The following PCDH7 variants were observed in gnomAD, a reference collection of about 807,000 sequenced individuals.
PCDH7 encodes the protein protocadherin-7.
PCDH7 carries 17 observed loss-of-function variants against 58.9 expected under a neutral mutation model. That is an observed-to-expected ratio of 0.29 (90% CI 0.20 to 0.43). PCDH7 has a LOEUF of 0.43. Ranked by LOEUF, PCDH7 falls within the 20% of genes least tolerant of loss-of-function variation. The pLI, the probability that PCDH7 is intolerant of heterozygous loss-of-function variation, is 1.00. For missense variants in PCDH7, 1,274 were observed against 1,441.0 expected (o/e 0.88, Z 1.88); for synonymous variants, 664 against 616.4 (o/e 1.08, Z -1.14).
chr4:31,054,715 T>A lies in PCDH7; in HGVS notation c.*8-87758T>A, dbSNP rs1031725335. 2.0e-5 allele frequency among the ~76,000 whole-genome samples: 3 copies of A among 152,284 alleles called. No homozygotes were observed. In the East Asian group the frequency reaches 5.8e-4, roughly 29 times the overall value. ...GATTTCTATTCTTGGTGCCATTATA[T>A]GATAAAGGCAGAGTGATGAAAGATG... On this transcript the variant is annotated intron_variant, in intron 3 of 3. Coordinates refer to the PCDH7 transcript ENST00000509759.
intron 1 of PCDH7, among the ~76,000 whole-genome samples, chr4:30,814,321 C>G (rs1011436335): frequency 6.6e-6 from 1 of 151,944 alleles, no homozygotes; most frequent in Admixed American, 6.6e-5. Context: ...TTTCATCATG[C>G]CTTGCAATTT....
At chr4:30,749,034 CA>C (rs1301640033) in intron 1 of PCDH7, among the ~76,000 whole-genome samples, 4 of 152,270 alleles carry the variant, frequency 2.6e-5, no homozygotes, top group African/African-American at 9.6e-5. Context: ...TACTTATCAA[CA>C]GGGGAAGGGA....
intron 1 of PCDH7, among the ~76,000 whole-genome samples, chr4:30,863,118 G>A (rs777067109): frequency 2.0e-5 from 3 of 152,094 alleles, no homozygotes; most frequent in Admixed American, 6.6e-5. Flanking sequence ...CGGGATCAGA[G>A]TACCACTAAG....
chr4:30,730,657 C>G, intron 1 of PCDH7: 1 of 829,584 alleles, frequency 1.2e-6, no homozygotes, highest in African/African-American at 1.7e-5. Flanking sequence ...GCTCCGAAAT[C>G]TCTACTAAAG....
intron 3 of PCDH7, among the ~76,000 whole-genome samples, chr4:30,973,019 T>C (rs1749740210): frequency 6.6e-6 from 1 of 152,204 alleles, no homozygotes. Flanking sequence ...ATAAATACCT[T>C]TTCCAACCTT....
At chr4:30,727,234 A>C (rs1378493737) in intron 1 of PCDH7, among the ~76,000 whole-genome samples, 1 of 152,056 alleles carries the variant, frequency 6.6e-6, no homozygotes, top group Non-Finnish European at 1.5e-5. Flanking sequence ...AAAAAATTAA[A>C]GTGATGTTTC....
At chr4:30,847,221 T>C (rs2109343305) in intron 1 of PCDH7, among the ~76,000 whole-genome samples, 1 of 152,326 alleles carries the variant, frequency 6.6e-6, no homozygotes, top group Admixed American at 6.5e-5. Context: ...TTTGTGCTTT[T>C]ACCTCTTTTT....
At chr4:31,060,056 G>T (rs1757559173) in intron 3 of PCDH7, among the ~76,000 whole-genome samples, 1 of 151,674 alleles carries the variant, frequency 6.6e-6, no homozygotes, top group African/African-American at 2.4e-5. Flanking sequence ...AATGTAGAGT[G>T]TGCTGATTTC....
chr4:31,132,219 T>C (rs16884392), intron 3 of PCDH7, among the ~76,000 whole-genome samples: 2 of 152,138 alleles, frequency 1.3e-5, no homozygotes, highest in Non-Finnish European at 2.9e-5. Context: ...TGCTTTATCA[T>C]GGTTTATATG....
intron 3 of PCDH7, among the ~76,000 whole-genome samples, chr4:31,080,425 G>A (rs1283367212): frequency 6.6e-6 from 1 of 151,972 alleles, no homozygotes; most frequent in Non-Finnish European, 1.5e-5. Flanking sequence ...CATTGTATTT[G>A]TACCTGTGAT....
intron 1 of PCDH7, among the ~76,000 whole-genome samples, chr4:30,804,994 G>C (rs933531816): frequency 1.3e-5 from 2 of 152,110 alleles, no homozygotes; most frequent in African/African-American, 4.8e-5. Flanking sequence ...AGGGCACAAG[G>C]TCTCTTTTGC....
intron 1 of PCDH7, among the ~76,000 whole-genome samples, chr4:30,790,262 A>G (rs902898578): frequency 6.6e-6 from 1 of 152,160 alleles, no homozygotes; most frequent in Non-Finnish European, 1.5e-5. Flanking sequence ...CTCTCTTAAT[A>G]TTCTTGTTAA....
At chr4:30,932,423 A>G (rs1297432724) in intron 2 of PCDH7, among the ~76,000 whole-genome samples, 1 of 152,182 alleles carries the variant, frequency 6.6e-6, no homozygotes, top group African/African-American at 2.4e-5. Context: ...CACCAATGTC[A>G]CATAAATTTA....
intron 1 of PCDH7, among the ~76,000 whole-genome samples, chr4:30,868,034 C>G (rs1331097033): frequency 6.6e-6 from 1 of 151,986 alleles, no homozygotes. Flanking sequence ...TAGTTATTAT[C>G]CATCATTACA....
intron 1 of PCDH7, among the ~76,000 whole-genome samples, chr4:30,899,755 ATG>A (rs1211703308): frequency 1.3e-5 from 2 of 151,178 alleles, no homozygotes; most frequent in Admixed American, 1.3e-4. Context: ...TTCACCACAT[ATG>A]TGTGTTTGTG....
At chr4:30,894,577 A>G (rs1398580519) in intron 1 of PCDH7, among the ~76,000 whole-genome samples, 1 of 102,530 alleles carries the variant, frequency 9.8e-6, no homozygotes, top group Non-Finnish European at 2.0e-5. Context: ...ATATACACAC[A>G]CATATATACA....
At chr4:30,763,308 T>A (rs1290354641) in intron 1 of PCDH7, among the ~76,000 whole-genome samples, 1 of 152,266 alleles carries the variant, frequency 6.6e-6, no homozygotes, top group Non-Finnish European at 1.5e-5. Flanking sequence ...GACTGTATAT[T>A]GATTAGTCAA....
In PCDH7 at chr4:30,834,903, T is replaced by TTA. The variant is rs761760746; in HGVS notation, c.71-85236_71-85235dup. On this transcript the variant is annotated intron_variant, in intron 1 of 3. Coordinates refer to the PCDH7 transcript ENST00000509759. ...AATTTGAACTTTATAAACATTGGTG[T>TTA]TATATATATATATATGTGTATATAT... Among the ~76,000 whole-genome samples, 433 of 148,742 alleles carry TTA rather than the reference T, an allele frequency of 2.9e-3. 2 individuals are homozygous for TTA. The highest frequency in any genetic ancestry group is 4.9e-3 in the African/African-American group (198 of 40,254).
intron 1 of PCDH7, among the ~76,000 whole-genome samples, chr4:30,868,331 G>A (rs1419317320): frequency 1.3e-5 from 2 of 151,970 alleles, no homozygotes; most frequent in East Asian, 3.9e-4. Context: ...ATACAAAATG[G>A]TACAGCTGAA....
Sources: gnomAD v4.1 joint callset for allele counts (sites outside exome capture counted in the v4.1 genomes callset) on GRCh38, gnomAD v4.1.1 for gene constraint, MANE v1.5 for transcripts, NCBI Gene and HGNC (gene_info 2026-07-23, HGNC 2026-07-21) for gene names.